RCCD1: variants seen among roughly 807,000 people sequenced by gnomAD.
The protein encoded by RCCD1 is RCC1 domain-containing protein 1.
A neutral mutation model predicts 37.6 loss-of-function variants in RCCD1; 40 were observed. The ratio of observed to expected loss-of-function variants is 1.06; its 90% CI spans 0.83 to 1.39. RCCD1 has a LOEUF of 1.39. Among genes scored for constraint, RCCD1 ranks in the 40% most tolerant of loss-of-function variants. The pLI is 0.00. For synonymous variants in RCCD1, 263 were observed against 230.0 expected (o/e 1.14, Z -1.30); for missense variants, 577 against 517.3 (o/e 1.12, Z -1.12).
Position 90,960,403 on chromosome 15 carries a change from T to C in RCCD1, c.854T>C (p.Ile285Thr), listed in dbSNP as rs2037290701. The change falls in exon 6 of 8, where the codon ATA becomes ACA. Residue 285 changes from isoleucine (I) to threonine (T), a missense_variant. By Grantham distance (89) the Ile-to-Thr change is moderately conservative. Coordinates refer to ENST00000394258, the MANE Select transcript of RCCD1 (RefSeq NM_001017919.2). ...GAGGATGGAGCCCCTGCCCCCTTCA[T>C]AGCTGTCCAGCCCTTCCCGGCATTA... ...GAEDGAPAPF[I>T]AVQPFPALLD... The C allele has an allele frequency of 6.2e-7, 1 of 1,613,750 alleles. No homozygotes were observed. Among genetic ancestry groups the C allele is most frequent in the African/African-American group, 1.3e-5 (1 of 74,914 alleles).
In RCCD1 at chr15:90,960,412, A is replaced by G. The variant is rs2037291035; in HGVS notation, c.863A>G (p.Gln288Arg). 1 of 1,613,844 alleles carries G rather than the reference A, an allele frequency of 6.2e-7. No homozygotes were observed. The highest frequency in any genetic ancestry group is 8.5e-7 in the Non-Finnish European group (1 of 1,179,992). ...DGAPAPFIAV[Q>R]PFPALLDLPM... Reference sequence around the variant, plus strand: ...GCCCCTGCCCCCTTCATAGCTGTCCAGCCCTTCCCGGCATTACTGGATCTC... The same window carrying G: ...GCCCCTGCCCCCTTCATAGCTGTCCGGCCCTTCCCGGCATTACTGGATCTC... The change falls in exon 6 of 8, where the codon CAG (glutamine) becomes CGG (arginine). Residue 288 changes from glutamine to arginine, a missense_variant. By Grantham distance (43) the Gln-to-Arg change is conservative. Transcript: ENST00000394258.
chr15:90,956,953 C>T (rs943927636), intron 2 of RCCD1, 53 bp downstream of exon 2: 7 of 1,267,854 alleles, frequency 5.5e-6, no homozygotes, highest in Admixed American at 4.1e-5. Context: ...CCCCAGTCGC[C>T]TCCCCGCACC....
At chr15:90,956,451 G>T (rs950117157) in intron 1 of RCCD1, among the ~76,000 whole-genome samples, 161 bp from the exon 2 acceptor site, 1 of 152,222 alleles carries the variant, frequency 6.6e-6, no homozygotes, top group Non-Finnish European at 1.5e-5. Flanking sequence ...TTTGTGGCAC[G>T]CTGAGCTTGA....
In RCCD1 at chr15:90,962,644, C is replaced by G. The variant is rs1051010068; in HGVS notation, c.*875C>G. 12 of 152,188 alleles carry G rather than the reference C, an allele frequency of 7.9e-5. No homozygotes were observed. The highest frequency in any genetic ancestry group is 2.7e-4 in the African/African-American group (11 of 41,440). 9.4% of individuals were successfully genotyped at this position (152,188 alleles called of 1,614,324 possible). A position where few individuals can be genotyped will look rare whatever the true frequency, so the allele number is the denominator to read the frequency against. On this transcript the variant is annotated 3_prime_UTR_variant, in exon 8 of 8. Coordinates refer to ENST00000394258, the MANE Select transcript of RCCD1 (RefSeq NM_001017919.2). ...TGGTGGCTCACACCTGTAGTCCCAG[C>G]ACTTTGGGAGGCTAAGCAGGGAGAT...
intron 4 of RCCD1, among the ~76,000 whole-genome samples, chr15:90,959,079 G>A (rs757843048): frequency 6.6e-6 from 1 of 152,138 alleles, no homozygotes; most frequent in South Asian, 2.1e-4. Context: ...GCTGAAGCAC[G>A]GACACATCCC....
At chr15:90,961,527 C>A (rs572408383) in intron 7 of RCCD1, 91 bp from the exon 8 acceptor site, 4 of 1,388,898 alleles carry the variant, frequency 2.9e-6, no homozygotes, top group Non-Finnish European at 3.9e-6. Flanking sequence ...ATAATCCCAG[C>A]ACTTCATTTG....
In RCCD1 at chr15:90,961,035, G is replaced by A. The variant is rs1401028256; in HGVS notation, c.960G>A (p.Glu320=). The A allele has an allele frequency of 6.2e-7, 1 of 1,613,928 alleles. No homozygotes were observed. The highest frequency in any genetic ancestry group is 2.2e-5 in the East Asian group (1 of 44,848). Residue 320 remains glutamate, a synonymous_variant, in exon 7 of 8, where the codon GAG becomes GAA. Transcript: ENST00000394258. ...RHTAVVTRTG[E]LYTWGWGKYG... is the part of the protein sequence containing the mutation. ...TCCTTTTGCTTTCAGGAACAGGGGA[G>A]CTCTACACCTGGGGCTGGGGTAAGT...
intron 4 of RCCD1, among the ~76,000 whole-genome samples, chr15:90,958,452 C>A (rs2037246353): frequency 6.6e-6 from 1 of 151,814 alleles, no homozygotes; most frequent in Non-Finnish European, 1.5e-5. Context: ...CATGGTGAAA[C>A]CCCGTCTCTA....
Position 90,957,110 on chromosome 15 carries a change from C to T in RCCD1, c.167-3C>T. On this transcript the variant is annotated splice_region_variant and splice_polypyrimidine_tract_variant and intron_variant, in intron 2 of 7. Coordinates refer to ENST00000394258, the MANE Select transcript of RCCD1 (RefSeq NM_001017919.2). Reference sequence around the variant, plus strand: ...GGCCACCCTGCTCCAATCCGCCCCGCAGGTGGAGGCCGCTTGGAGCTGTCG... The same window carrying T: ...GGCCACCCTGCTCCAATCCGCCCCGTAGGTGGAGGCCGCTTGGAGCTGTCG... 7 of 1,342,636 alleles carry T rather than the reference C, an allele frequency of 5.2e-6. No homozygotes were observed. The highest frequency in any genetic ancestry group is 6.7e-6 in the Non-Finnish European group (7 of 1,052,482). The allele number at this position is 1,342,636 out of a possible 1,614,324, so 83.2% of individuals were successfully genotyped here.
At chr15:90,960,574 T>A in intron 6 of RCCD1, 76 bp downstream of exon 6, 2 of 1,432,378 alleles carry the variant, frequency 1.4e-6, no homozygotes, top group Non-Finnish European at 1.9e-6. Context: ...CGGAAAAACT[T>A]CTGTCTTAAG....
chr15:90,960,188 G>T (rs1299742607), intron 5 of RCCD1, 140 bp from the exon 6 acceptor site: 2 of 989,676 alleles, frequency 2.0e-6, no homozygotes, highest in Non-Finnish European at 3.0e-6. Context: ...AGCCCTGCCT[G>T]CAGAATGTAG....
rs2037322241 is a variant in RCCD1, at chr15:90,961,833, GC to G, written c.*66del. The stretch of plus-strand genomic sequence containing the variant: ...CCCATTCAGGTCAAGGAAAACCATT[GC>G]CTGCACCCCAAGGGCCCCATATTTG... On this transcript the variant is annotated 3_prime_UTR_variant, in exon 8 of 8. Transcript: ENST00000394258. 4 of 1,529,834 alleles carry G rather than the reference GC, an allele frequency of 2.6e-6. No individual in the cohort carries two copies. Among genetic ancestry groups the G allele is most frequent in the Non-Finnish European group, 3.6e-6 (4 of 1,123,916 alleles). The allele number at this position is 1,529,834 out of a possible 1,614,324, so 94.8% of individuals were successfully genotyped here.
Position 90,961,648 on chromosome 15 carries a change from C to T in RCCD1, c.1010C>T (p.Thr337Ile). The T allele has an allele frequency of 6.2e-7, 1 of 1,613,956 alleles. No individual in the cohort carries two copies. Among genetic ancestry groups the T allele is most frequent in the Non-Finnish European group, 8.5e-7 (1 of 1,179,936 alleles). Residue 337 changes from threonine (T) to isoleucine (I), a missense_variant, in exon 8 of 8, where the codon ACC becomes ATC. By Grantham distance (89) the Thr-to-Ile change is moderately conservative (BLOSUM62 -1). Transcript: ENST00000394258. ...GKYGQLGHED[T>I]TSLDRPRRVE... ...TATGGACAGCTGGGCCACGAGGACA[C>T]CACCAGCTTGGATCGGCCTCGCCGT...
chr15:90,956,691 C>T lies in RCCD1; in HGVS notation c.-44C>T, dbSNP rs1165421032. 2 of 1,254,520 alleles carry T rather than the reference C, an allele frequency of 1.6e-6. No homozygotes were observed. Among genetic ancestry groups the T allele is most frequent in the Non-Finnish European group, 2.0e-6 (2 of 999,238 alleles). The allele number at this position is 1,254,520 out of a possible 1,614,324, so 77.7% of individuals were successfully genotyped here. ...GGCTCTTCGCAAGAATCCCCCCGGG[C>T]CCGCCGCAGCCAGGCGGCGGCCGGC... On this transcript the variant is annotated 5_prime_UTR_variant, in exon 2 of 8. Transcript: ENST00000394258.
chr15:90,956,790 A>G lies in RCCD1; in HGVS notation c.56A>G (p.Gln19Arg), dbSNP rs1383421048. 1.5e-6 allele frequency: 2 copies of G among 1,329,202 alleles called. No individual in the cohort carries two copies. The highest frequency in any genetic ancestry group is 1.9e-6 in the Non-Finnish European group (2 of 1,039,442). 82.3% of individuals were successfully genotyped at this position (1,329,202 alleles called of 1,614,324 possible). A position where few individuals can be genotyped will look rare whatever the true frequency, so the allele number is the denominator to read the frequency against. The change falls in exon 2 of 8, where the codon CAG (glutamine) becomes CGG (arginine). Residue 19 changes from glutamine (Q) to arginine (R), a missense_variant. Coordinates refer to ENST00000394258, the MANE Select transcript of RCCD1 (RefSeq NM_001017919.2). ...GGCTTCGGTTTCTGCGGCTTCGGGC[A>G]GGAGCTGGGCTCCGGACGCGGGCGC... ...WFGFGFCGFG[Q>R]ELGSGRGRQV...
At position 90,960,036 on chromosome 15, in the gene RCCD1, G is replaced by A. The variant is rs760120190; in HGVS notation, c.778+38G>A. On this transcript the variant is annotated intron_variant, in intron 5 of 7. Transcript: ENST00000394258. ...TCGGCTCCCACAGCCGTCTCCCCAG[G>A]ATGTGGCTGTCATTCCTAACTCCTG... 10 of 1,515,100 alleles carry A rather than the reference G, an allele frequency of 6.6e-6. No individual in the cohort carries two copies. In the South Asian group the frequency reaches 1.1e-4, roughly 17 times the overall value. The allele number at this position is 1,515,100 out of a possible 1,614,324, so 93.9% of individuals were successfully genotyped here.
chr15:90,960,603 G>A (rs2037295956), intron 6 of RCCD1, 105 bp downstream of exon 6: 3 of 1,093,176 alleles, frequency 2.7e-6, no homozygotes, highest in Admixed American at 2.6e-5. Flanking sequence ...GGCTCATACA[G>A]AGCAGCTACC....
Position 90,961,824 on chromosome 15 carries a change from A to G in RCCD1, c.*55A>G. The G allele has an allele frequency of 6.4e-7, 1 of 1,560,112 alleles. No individual in the cohort carries two copies. The highest frequency in any genetic ancestry group is 8.7e-7 in the Non-Finnish European group (1 of 1,145,998). ...TGTGAGACCCCCATTCAGGTCAAGG[A>G]AAACCATTGCCTGCACCCCAAGGGC... On this transcript the variant is annotated 3_prime_UTR_variant, in exon 8 of 8. Coordinates refer to ENST00000394258, the MANE Select transcript of RCCD1 (RefSeq NM_001017919.2).
chr15:90,959,950 C>T lies in RCCD1; in HGVS notation c.730C>T (p.Leu244=). The T allele has an allele frequency of 6.2e-7, 1 of 1,613,834 alleles. No homozygotes were observed. Among genetic ancestry groups the T allele is most frequent in the Non-Finnish European group, 8.5e-7 (1 of 1,179,918 alleles). Residue 244 remains leucine, a synonymous_variant, in exon 5 of 8, where the codon CTG becomes TTG. Transcript: ENST00000394258. ...WGWNESGQLA[L]PTRNLAEDGE... is the part of the protein sequence containing the mutation. ...CTGGAATGAATCAGGGCAGCTGGCC[C>T]TGCCCACCAGGAACCTGGCAGAGGA...
Sources: allele counts gnomAD v4.1 joint callset (sites outside exome capture counted in the v4.1 genomes callset), GRCh38; gene constraint gnomAD v4.1.1; transcripts MANE v1.5; gene names NCBI Gene and HGNC (gene_info 2026-07-23, HGNC 2026-07-21).